MYO5B: variants seen among roughly 807,000 people sequenced by gnomAD.
MYO5B encodes the protein myosin VB, also known as unconventional myosin-Vb.
Under a neutral mutation model 229.3 loss-of-function variants are expected in MYO5B, and 143 were observed. The observed-to-expected ratio is 0.62, with a 90% CI of 0.54 to 0.72. The LOEUF is 0.72. MYO5B is among the 30% of genes least tolerant of loss of function. The pLI, the probability that MYO5B is intolerant of heterozygous loss-of-function variation, is 0.00. For synonymous variants in MYO5B, 918 were observed against 885.2 expected (o/e 1.04, Z -0.66); for missense variants, 2,321 against 2,331.0 (o/e 1.00, Z 0.09).
intron 1 of MYO5B, among the ~76,000 whole-genome samples, chr18:50,147,039 T>G (rs2032514718): frequency 6.6e-6 from 1 of 152,210 alleles, no homozygotes; most frequent in South Asian, 2.1e-4. Flanking sequence ...GTCACCATCT[T>G]GTCTCCTTAC....
intron 1 of MYO5B, among the ~76,000 whole-genome samples, chr18:50,105,344 G>A (rs2031738332): frequency 6.6e-6 from 1 of 152,114 alleles, no homozygotes; most frequent in South Asian, 2.1e-4. Flanking sequence ...GTTGTTCAGA[G>A]TGATGTGAAA....
chr18:50,112,987 G>T (rs1440325072), intron 1 of MYO5B, among the ~76,000 whole-genome samples: 1 of 152,112 alleles, frequency 6.6e-6, no homozygotes, highest in African/African-American at 2.4e-5. Flanking sequence ...CATAATGAAG[G>T]TTACATGGAC....
intron 32 of MYO5B, among the ~76,000 whole-genome samples, chr18:49,847,646 T>C (rs1598829295): frequency 6.6e-6 from 1 of 152,118 alleles, no homozygotes; most frequent in Non-Finnish European, 1.5e-5. Flanking sequence ...CGCTCCTGCA[T>C]AGCTGCTTCT....
intron 19 of MYO5B, among the ~76,000 whole-genome samples, chr18:49,905,649 G>A (rs1356531222): frequency 1.3e-5 from 2 of 152,196 alleles, no homozygotes; most frequent in African/African-American, 4.8e-5. Flanking sequence ...AAGACTTTGT[G>A]GCGATTATTG....
intron 21 of MYO5B, among the ~76,000 whole-genome samples, chr18:49,900,137 C>T (rs1444806872): frequency 1.3e-5 from 2 of 152,218 alleles, no homozygotes; most frequent in African/African-American, 4.8e-5. Flanking sequence ...GCCTACTCAT[C>T]CCTGAGACTG....
intron 16 of MYO5B, among the ~76,000 whole-genome samples, chr18:49,934,079 T>C (rs1428645304): frequency 6.6e-6 from 1 of 152,144 alleles, no homozygotes; most frequent in African/African-American, 2.4e-5. Flanking sequence ...TCTCGCTATA[T>C]TTCCCAGGCC....
intron 1 of MYO5B, among the ~76,000 whole-genome samples, chr18:50,144,473 T>C (rs1451567870): frequency 6.6e-6 from 1 of 152,198 alleles, no homozygotes; most frequent in Admixed American, 6.5e-5. Context: ...TTTCCCAACA[T>C]CAGTCCTTTT....
intron 1 of MYO5B, among the ~76,000 whole-genome samples, chr18:50,140,901 T>G (rs879498170): frequency 2.6e-5 from 4 of 152,282 alleles, no homozygotes; most frequent in South Asian, 2.1e-4. Flanking sequence ...AAGAGATGCA[T>G]AGGACAGAGA....
rs1464024421 is a variant in MYO5B at position 49,980,564 on chromosome 18, A to C, written c.947-11T>G. On this transcript the variant is annotated splice_polypyrimidine_tract_variant and intron_variant, in intron 8 of 39. Coordinates refer to ENST00000285039, the MANE Select transcript of MYO5B (RefSeq NM_001080467.3). ...GGGACTCTTTCACTCCTGGAAAAGA[A>C]AAATGAATGGATGACACTCAGTATC... is the stretch of plus-strand genomic sequence containing the variant. 1 of 1,548,500 alleles carries C rather than the reference A, an allele frequency of 6.5e-7. No individual in the cohort carries two copies. The highest frequency in any genetic ancestry group is 8.9e-7 in the Non-Finnish European group (1 of 1,120,238).
At position 49,871,307 on chromosome 18, in the gene MYO5B, G is replaced by A. The variant is rs192411727; in HGVS notation, c.3603+860C>T. 2.2e-4 allele frequency among the ~76,000 whole-genome samples: 33 copies of A among 152,280 alleles called. No individual in the cohort carries two copies. In the East Asian group the frequency reaches 4.2e-3, roughly 20 times the overall value. ...GAACTGGGAAGTTGTTAATGGGTACGGGCTTCAGTTTTAAAAGATGAAAAG... is the reference window on the plus strand; with the variant it reads ...GAACTGGGAAGTTGTTAATGGGTACAGGCTTCAGTTTTAAAAGATGAAAAG... On this transcript the variant is annotated intron_variant, in intron 27 of 39. Coordinates refer to ENST00000285039, the MANE Select transcript of MYO5B (RefSeq NM_001080467.3).
intron 1 of MYO5B, among the ~76,000 whole-genome samples, chr18:50,165,317 T>C (rs1355932072): frequency 6.6e-6 from 1 of 151,930 alleles, no homozygotes; most frequent in African/African-American, 2.4e-5. Flanking sequence ...ACCCCATCTT[T>C]ACCAAAAATA....
intron 14 of MYO5B, among the ~76,000 whole-genome samples, chr18:49,951,560 A>G (rs889455849): frequency 1.3e-5 from 2 of 152,224 alleles, no homozygotes; most frequent in African/African-American, 4.8e-5. Flanking sequence ...GAGAGTGAAT[A>G]TAACAGAGTT....
chr18:49,872,088 T>C, intron 27 of MYO5B, 79 bp downstream of exon 27: 1 of 1,374,390 alleles, frequency 7.3e-7, no homozygotes, highest in Non-Finnish European at 1.0e-6. Context: ...GCTCAGGGCC[T>C]GATTTCCTGA....
chr18:50,167,872 G>C (rs558178020), intron 1 of MYO5B, among the ~76,000 whole-genome samples: 3 of 152,272 alleles, frequency 2.0e-5, no homozygotes, highest in Middle Eastern at 6.8e-3. Context: ...CCACGGGTAA[G>C]GCAAAAACAC....
chr18:50,183,306 C>CATATATCTATAT (rs2033098730), intron 1 of MYO5B, among the ~76,000 whole-genome samples: 1 of 110,010 alleles, frequency 9.1e-6, no homozygotes, highest in Non-Finnish European at 1.8e-5. Flanking sequence ...TCAATTTTAT[C>CATATATCTATAT]ATATATATAT....
intron 1 of MYO5B, among the ~76,000 whole-genome samples, chr18:50,071,367 G>C (rs1261498411): frequency 6.6e-6 from 1 of 152,114 alleles, no homozygotes; most frequent in Non-Finnish European, 1.5e-5. Context: ...TTTCCTCAAG[G>C]GTAGAGACAA....
Position 49,992,364 on chromosome 18 carries a change from C to G in MYO5B, c.680G>C (p.Gly227Ala). 6.2e-7 allele frequency: 1 copy of G among 1,614,144 alleles called. No individual in the cohort carries two copies. The highest frequency in any genetic ancestry group is 8.5e-7 in the Non-Finnish European group (1 of 1,180,024). The change falls in exon 6 of 40, where the codon GGC (glycine) becomes GCC (alanine). Residue 227 changes from glycine (G) to alanine (A), a missense_variant. By Grantham distance (60) the Gly-to-Ala change is moderately conservative. Transcript: ENST00000285039. Reference protein sequence around the residue: ...SSRFGKYIQIGFDKRYHIIGA... With the variant: ...SSRFGKYIQIAFDKRYHIIGA... ...GATGATGTGGTACCTTTTGTCAAAG[C>G]CAATCTGGATGTACTTGCCAAAACG...
chr18:50,017,097 AC>A (rs1224900135), intron 4 of MYO5B, among the ~76,000 whole-genome samples: 1 of 152,036 alleles, frequency 6.6e-6, no homozygotes, highest in African/African-American at 2.4e-5. Context: ...TTTGTGACTA[AC>A]TTATTTACCT....
Position 49,826,349 on chromosome 18 carries a change from G to A in MYO5B, c.*122C>T. 8 of 1,230,338 alleles carry A rather than the reference G, an allele frequency of 6.5e-6. No individual in the cohort carries two copies. The Admixed American group carries it at 8.0e-5, about 12-fold the overall frequency. The allele number at this position is 1,230,338 out of a possible 1,614,324, so 76.2% of individuals were successfully genotyped here. ...TCTGTATAGTTCAGCACCCTCCACA[G>A]GCTGTCAATCTCTGATTTGATCTAC... On this transcript the variant is annotated 3_prime_UTR_variant, in exon 40 of 40. Coordinates refer to ENST00000285039, the MANE Select transcript of MYO5B (RefSeq NM_001080467.3).
Sources: allele counts gnomAD v4.1 joint callset (sites outside exome capture counted in the v4.1 genomes callset), GRCh38; gene constraint gnomAD v4.1.1; transcripts MANE v1.5; gene names NCBI Gene and HGNC (gene_info 2026-07-23, HGNC 2026-07-21).